The following FBXO16 variants were observed in gnomAD, a reference collection of about 807,000 sequenced individuals.
FBXO16 encodes F-box only protein 16.
A neutral mutation model predicts 41.0 loss-of-function variants in FBXO16; 31 were observed. The ratio of observed to expected loss-of-function variants is 0.76; its 90% CI spans 0.57 to 1.02. The LOEUF is 1.02. Among genes scored for constraint, FBXO16 ranks in the 50% least tolerant of loss-of-function variants. The pLI, the probability that FBXO16 is intolerant of heterozygous loss-of-function variation, is 0.00. For missense variants in FBXO16, 361 were observed against 346.2 expected, an observed-to-expected ratio of 1.04 and a Z score of -0.34; for synonymous variants, 133 against 117.8, an observed-to-expected ratio of 1.13 and a Z score of -0.84.
chr8:28,441,906 A>ATG (rs748888213), intron 7 of FBXO16, among the ~76,000 whole-genome samples: 187 of 139,428 alleles, frequency 1.3e-3, no homozygotes, highest in East Asian at 4.2e-3. Context: ...CAGTGTATAT[A>ATG]TATATGTGTG....
rs764560735 is a variant in FBXO16 at position 28,452,472 on chromosome 8, G to A, written c.512C>T (p.Pro171Leu). Reference protein sequence around the residue: ...KELHITKPKTPPKDGFVIADV... With the variant: ...KELHITKPKTLPKDGFVIADV... ...AGCGATTACAAATCCATCCTTTGGGGGTGTCTAGAAGAAGAAAGTTAATTA... is the reference window on the plus strand; with the variant it reads ...AGCGATTACAAATCCATCCTTTGGGAGTGTCTAGAAGAAGAAAGTTAATTA... Residue 171 changes from proline to leucine, a missense_variant, in exon 6 of 9, where the codon CCC (proline) becomes CTC (leucine). By Grantham distance (98) the Pro-to-Leu change is moderately conservative. Coordinates refer to ENST00000380254, the MANE Select transcript of FBXO16 (RefSeq NM_172366.4). 6.2e-7 allele frequency: 1 copy of A among 1,613,598 alleles called. No individual in the cohort carries two copies.
chr8:28,480,974 C>A (rs989165296), intron 2 of FBXO16, among the ~76,000 whole-genome samples: 1 of 152,126 alleles, frequency 6.6e-6, no homozygotes, highest in African/African-American at 2.4e-5. Context: ...GAGGAAAGGA[C>A]ATTTGAATGG....
chr8:28,470,503 T>G (rs919975070), intron 3 of FBXO16, among the ~76,000 whole-genome samples: 6 of 152,232 alleles, frequency 3.9e-5, no homozygotes, highest in African/African-American at 1.4e-4. Context: ...GCATTTAACA[T>G]TTTAACAGAT....
intron 6 of FBXO16, among the ~76,000 whole-genome samples, chr8:28,451,411 G>A (rs1802951680): frequency 6.8e-6 from 1 of 148,064 alleles, no homozygotes; most frequent in Non-Finnish European, 1.5e-5. Context: ...TGTTTTTTGA[G>A]ATAGGGTCTA....
chr8:28,431,766 G>T (rs1802608926), intron 7 of FBXO16, among the ~76,000 whole-genome samples: 1 of 152,092 alleles, frequency 6.6e-6, no homozygotes, highest in Non-Finnish European at 1.5e-5. Context: ...ATCTTCCTAT[G>T]GCTCCTCAGG....
intron 5 of FBXO16, among the ~76,000 whole-genome samples, chr8:28,456,458 C>A (rs994283450): frequency 3.9e-5 from 6 of 152,132 alleles, no homozygotes; most frequent in African/African-American, 1.4e-4. Flanking sequence ...CACAGAGTCC[C>A]CATGTCAGAA....
intron 7 of FBXO16, among the ~76,000 whole-genome samples, chr8:28,435,605 G>A (rs2130081655): frequency 6.6e-6 from 1 of 152,246 alleles, no homozygotes; most frequent in African/African-American, 2.4e-5. Flanking sequence ...GGCTTTTTAT[G>A]GACTCAGAAT....
At position 28,484,840 on chromosome 8, in the gene FBXO16, C is replaced by G. The variant is rs189525915; in HGVS notation, c.-16-1378G>C. ...GATCTCCTGACCTCATGATCCACCC[C>G]CCCTGGGCCTCCCAAAGTGCTGGGA... On this transcript the variant is annotated intron_variant, in intron 1 of 8. Transcript: ENST00000380254. Among the ~76,000 whole-genome samples the G allele has an allele frequency of 1.6e-4, 25 of 152,164 alleles. 1 individual carries two copies. The East Asian group carries it at 1.9e-3, about 12-fold the overall frequency.
chr8:28,479,930 C>T (rs193049732), intron 2 of FBXO16, among the ~76,000 whole-genome samples: 1 of 150,746 alleles, frequency 6.6e-6, no homozygotes, highest in African/African-American at 2.4e-5. Context: ...AAGATGAGGT[C>T]GCACTATGTT....
At chr8:28,450,513 C>T (rs949823411) in intron 6 of FBXO16, among the ~76,000 whole-genome samples, 1 of 152,152 alleles carries the variant, frequency 6.6e-6, no homozygotes, top group African/African-American at 2.4e-5. Context: ...GTGAATGTCT[C>T]GGGTGTCAGG....
chr8:28,460,951 G>A (rs2130148864), intron 4 of FBXO16, among the ~76,000 whole-genome samples: 1 of 152,164 alleles, frequency 6.6e-6, no homozygotes, highest in South Asian at 2.1e-4. Flanking sequence ...ACCCAGGCCA[G>A]TCTCAAACTC....
Position 28,452,390 on chromosome 8 carries a change from AG to A in FBXO16, c.593del (p.Ala198ValfsTer8). 6.2e-7 allele frequency: 1 copy of A among 1,614,234 alleles called. No individual in the cohort carries two copies. The highest frequency in any genetic ancestry group is 8.5e-7 in the Non-Finnish European group (1 of 1,180,050). On this transcript the variant is annotated frameshift_variant, in exon 6 of 9. Coordinates refer to ENST00000380254, the MANE Select transcript of FBXO16 (RefSeq NM_172366.4). LOFTEE classifies it high-confidence loss of function. ...TTCTTAAAGAGGAAGAGGACCGAAA[AG>A]CTGATAAAGGGGACTGTTTTTCCTC... ...SPEEKQSPLSAFRSSSSLRKK... is the reference protein window; with the variant it reads ...SPEEKQSPLSXFRSSSSLRKK...
At chr8:28,432,030 G>C (rs1001111149) in intron 7 of FBXO16, among the ~76,000 whole-genome samples, 3 of 151,730 alleles carry the variant, frequency 2.0e-5, no homozygotes, top group Non-Finnish European at 4.4e-5. Flanking sequence ...GACATAAAAC[G>C]CAAATGTACT....
chr8:28,434,523 T>TATTA (rs1221727347), intron 7 of FBXO16, among the ~76,000 whole-genome samples: 9 of 152,260 alleles, frequency 5.9e-5, no homozygotes, highest in Non-Finnish European at 1.3e-4. Flanking sequence ...AACATGCATT[T>TATTA]ATTAATTCAT....
At position 28,486,470 on chromosome 8, in the gene FBXO16, AG is replaced by A. The variant is rs1803604142; in HGVS notation, c.-16-3009del. Among the ~76,000 whole-genome samples, 4 of 152,072 alleles carry A rather than the reference AG, an allele frequency of 2.6e-5. No homozygotes were observed. In the South Asian group the frequency reaches 6.2e-4, roughly 24 times the overall value. On this transcript the variant is annotated intron_variant, in intron 1 of 8. Transcript: ENST00000380254. ...AACTCCTGACCTCAGGTGATCCACCAGCCTAAGCCTCCCAAAGTGCTGGGAT... is the reference window on the plus strand; with the variant it reads ...AACTCCTGACCTCAGGTGATCCACCACCTAAGCCTCCCAAAGTGCTGGGAT...
chr8:28,480,836 A>G (rs1803499122), intron 2 of FBXO16, among the ~76,000 whole-genome samples: 1 of 152,056 alleles, frequency 6.6e-6, no homozygotes, highest in African/African-American at 2.4e-5. Context: ...CAGGAACCAA[A>G]CCAGGTTCCT....
intron 7 of FBXO16, among the ~76,000 whole-genome samples, chr8:28,446,591 G>A (rs1205747735): frequency 6.6e-6 from 1 of 151,840 alleles, no homozygotes; most frequent in Non-Finnish European, 1.5e-5. Context: ...ACTCCCCTTG[G>A]CCAGGCGCGG....
intron 4 of FBXO16, among the ~76,000 whole-genome samples, chr8:28,459,623 A>AAATAATAATAATAAT (rs57120891): frequency 6.5e-5 from 9 of 137,884 alleles, no homozygotes; most frequent in East Asian, 2.1e-4. Context: ...CCTGTCTCAA[A>AAATAATAATAATAAT]AATAATAATA....
chr8:28,485,374 T>A (rs923935821), intron 1 of FBXO16, among the ~76,000 whole-genome samples: 1 of 152,078 alleles, frequency 6.6e-6, no homozygotes, highest in African/African-American at 2.4e-5. Flanking sequence ...GGTTTCACCA[T>A]GTTGGCTAGG....
Sources: gnomAD v4.1 joint callset for allele counts (sites outside exome capture counted in the v4.1 genomes callset) on GRCh38, gnomAD v4.1.1 for gene constraint, MANE v1.5 for transcripts, NCBI Gene and HGNC (gene_info 2026-07-23, HGNC 2026-07-21) for gene names.